Variants in ZCCHC17 observed in about 807,000 individuals in gnomAD.
The protein encoded by ZCCHC17 is zinc finger CCHC domain-containing protein 17.
A neutral mutation model predicts 30.6 loss-of-function variants in ZCCHC17; 18 were observed. The ratio of observed to expected loss-of-function variants is 0.59; its 90% CI spans 0.41 to 0.87. The LOEUF (loss-of-function observed/expected upper bound fraction) is 0.87, where lower values mean the gene tolerates loss of function less well. Ranked by LOEUF, ZCCHC17 falls within the 40% of genes least tolerant of loss-of-function variation. The pLI is 0.00. For missense variants in ZCCHC17, 263 were observed against 284.2 expected (o/e 0.93, Z 0.54); for synonymous variants, 88 against 92.4 (o/e 0.95, Z 0.27).
chr1:31,334,893 CT>C (rs765952885), intron 3 of ZCCHC17, among the ~76,000 whole-genome samples: 97 of 152,282 alleles, frequency 6.4e-4, no homozygotes, highest in Non-Finnish European at 9.7e-4. Context: ...ATGTAAATCA[CT>C]TTTCCTGAAG....
In ZCCHC17 at chr1:31,348,908, A is replaced by C; in HGVS notation, c.498A>C (p.Glu166Asp). 1 of 1,613,540 alleles carries C rather than the reference A, an allele frequency of 6.2e-7. No homozygotes were observed. The highest frequency in any genetic ancestry group is 8.5e-7 in the Non-Finnish European group (1 of 1,179,908). Residue 166 changes from glutamate (E) to aspartate (D), a missense_variant, in exon 7 of 8, where the codon GAA becomes GAC. Physicochemically the swap from Glu to Asp is conservative, Grantham distance 45. Coordinates refer to ENST00000344147, the MANE Select transcript of ZCCHC17 (RefSeq NM_016505.4). ...TACCTGATGAGGAAGAGGAAAAGGA[A>C]GAGGCAAAGTCAGCAGAGTTTGAGA... Reference protein sequence around the residue: ...SLIPDEEEEKEEAKSAEFEKP... With the variant: ...SLIPDEEEEKDEAKSAEFEKP...
intron 1 of ZCCHC17, among the ~76,000 whole-genome samples, chr1:31,305,598 T>G (rs935994832): frequency 3.9e-5 from 6 of 152,038 alleles, no homozygotes; most frequent in Non-Finnish European, 2.9e-5. Context: ...CATAATTTTC[T>G]TTTCTTTTTT....
intron 3 of ZCCHC17, among the ~76,000 whole-genome samples, chr1:31,334,830 T>G (rs1236473116): frequency 6.6e-6 from 1 of 152,226 alleles, no homozygotes; most frequent in African/African-American, 2.4e-5. Context: ...ACCTAATTGT[T>G]ATCCTTTGTT....
intron 5 of ZCCHC17, among the ~76,000 whole-genome samples, chr1:31,340,714 A>G (rs1639019329): frequency 6.6e-6 from 1 of 152,218 alleles, no homozygotes; most frequent in Admixed American, 6.5e-5. Context: ...GTTGCTTTTG[A>G]TGATAAAATA....
intron 7 of ZCCHC17, among the ~76,000 whole-genome samples, chr1:31,352,607 C>A (rs976093155): frequency 1.7e-4 from 26 of 152,292 alleles, no homozygotes; most frequent in African/African-American, 6.3e-4. Flanking sequence ...TGTGCCACCA[C>A]ACCCAGCTAA....
At chr1:31,309,554 C>T (rs1646547234) in intron 1 of ZCCHC17, among the ~76,000 whole-genome samples, 1 of 152,086 alleles carries the variant, frequency 6.6e-6, no homozygotes, top group Non-Finnish European at 1.5e-5. Context: ...ATCCTGAGAT[C>T]GTCCGACCTC....
intron 2 of ZCCHC17, among the ~76,000 whole-genome samples, chr1:31,317,633 T>A (rs891118562): frequency 2.0e-5 from 3 of 152,168 alleles, no homozygotes; most frequent in Admixed American, 1.3e-4. Context: ...ACTGTTATTT[T>A]TTTTTTTTAA....
At chr1:31,311,821 C>G (rs1553120266) in intron 2 of ZCCHC17, among the ~76,000 whole-genome samples, 1 of 152,200 alleles carries the variant, frequency 6.6e-6, no homozygotes, top group Non-Finnish European at 1.5e-5. Flanking sequence ...ACTTTAGTCC[C>G]CCCCGTGGGG....
At chr1:31,336,530 A>T (rs1182646165) in intron 3 of ZCCHC17, among the ~76,000 whole-genome samples, 1 of 152,202 alleles carries the variant, frequency 6.6e-6, no homozygotes, top group Admixed American at 6.5e-5. Context: ...TAAGATTTAC[A>T]ATATTTAAAA....
chr1:31,351,892 A>G (rs1294349662), intron 7 of ZCCHC17, among the ~76,000 whole-genome samples: 1 of 152,200 alleles, frequency 6.6e-6, no homozygotes, highest in Non-Finnish European at 1.5e-5. Context: ...CTATACTCAT[A>G]ACCCCCAAAT....
intron 2 of ZCCHC17, among the ~76,000 whole-genome samples, chr1:31,314,980 T>A (rs1300100064): frequency 6.6e-6 from 1 of 152,196 alleles, no homozygotes; most frequent in Admixed American, 6.5e-5. Flanking sequence ...AGAATTCTTT[T>A]GACTGAATTG....
At chr1:31,317,024 CTT>C (rs1196920105) in intron 2 of ZCCHC17, among the ~76,000 whole-genome samples, 8 of 126,528 alleles carry the variant, frequency 6.3e-5, no homozygotes, top group Non-Finnish European at 6.6e-5. Context: ...AACTTTTTTT[CTT>C]TTTTTTTTTT....
chr1:31,324,447 G>C (rs895578662), intron 3 of ZCCHC17, among the ~76,000 whole-genome samples: 5 of 152,216 alleles, frequency 3.3e-5, no homozygotes, highest in Non-Finnish European at 7.3e-5. Context: ...CCACCCTCAT[G>C]GGTGCAGCTG....
chr1:31,304,077 G>A (rs1313667782), intron 1 of ZCCHC17, among the ~76,000 whole-genome samples: 2 of 152,162 alleles, frequency 1.3e-5, no homozygotes, highest in African/African-American at 4.8e-5. Flanking sequence ...AGAGTGGCTA[G>A]TAATTGGTCC....
At chr1:31,298,394 T>G (rs59195333) in intron 1 of ZCCHC17, among the ~76,000 whole-genome samples, 81,962 of 150,684 alleles carry the variant, frequency 0.54, 23,225 homozygotes, top group Non-Finnish European at 0.62. Flanking sequence ...TTTGTTTTTT[T>G]TTTTTTTTTG....
chr1:31,322,121 C>T (rs973854752), intron 3 of ZCCHC17, among the ~76,000 whole-genome samples: 1 of 151,978 alleles, frequency 6.6e-6, no homozygotes, highest in African/African-American at 2.4e-5. Context: ...TGAACAAGAG[C>T]CAGTCGATTT....
At chr1:31,342,066 G>A (rs1017336312) in intron 5 of ZCCHC17, among the ~76,000 whole-genome samples, 3 of 152,160 alleles carry the variant, frequency 2.0e-5, no homozygotes, top group African/African-American at 7.2e-5. Context: ...GTTTTTTTGA[G>A]ATGGAGTCTC....
At chr1:31,341,188 A>G (rs570197357) in intron 5 of ZCCHC17, among the ~76,000 whole-genome samples, 1 of 152,208 alleles carries the variant, frequency 6.6e-6, no homozygotes, top group Non-Finnish European at 1.5e-5. Context: ...TCTGTGGTTT[A>G]GTCTCTAAAT....
chr1:31,317,055 C>T (rs569917717), intron 2 of ZCCHC17, among the ~76,000 whole-genome samples: 6 of 125,738 alleles, frequency 4.8e-5, no homozygotes, highest in African/African-American at 1.6e-4. Context: ...GATGAAGTAT[C>T]GTTCTTGTTG....
Sources: gnomAD v4.1 joint callset for allele counts (sites outside exome capture counted in the v4.1 genomes callset) on GRCh38, gnomAD v4.1.1 for gene constraint, MANE v1.5 for transcripts, NCBI Gene and HGNC (gene_info 2026-07-23, HGNC 2026-07-21) for gene names.